Variants in ATP8A1 observed in about 807,000 individuals in gnomAD.
ATP8A1 encodes the protein phospholipid-transporting ATPase IA.
Under a neutral mutation model 177.7 loss-of-function variants are expected in ATP8A1, and 90 were observed. The ratio of observed to expected loss-of-function variants is 0.51; its 90% CI spans 0.43 to 0.60. The LOEUF is 0.60. Among genes scored for constraint, ATP8A1 ranks in the 20% least tolerant of loss-of-function variants. The probability of loss-of-function intolerance (pLI) is 0.00; values close to 1 mark genes in which losing one functional copy is unlikely to be tolerated. For synonymous variants in ATP8A1, 493 were observed against 485.9 expected (o/e 1.01, Z -0.19); for missense variants, 1,072 against 1,392.8 (o/e 0.77, Z 3.67).
At chr4:42,520,404 T>C (rs1725992209) in intron 22 of ATP8A1, among the ~76,000 whole-genome samples, 1 of 152,054 alleles carries the variant, frequency 6.6e-6, no homozygotes, top group Non-Finnish European at 1.5e-5. Context: ...AGATTAAAAA[T>C]CAATAGCACT....
chr4:42,553,156 T>C (rs1462939473), intron 16 of ATP8A1, among the ~76,000 whole-genome samples: 3 of 152,246 alleles, frequency 2.0e-5, no homozygotes, highest in African/African-American at 7.2e-5. Flanking sequence ...TCTAAACATT[T>C]ATACAAGACA....
intron 22 of ATP8A1, among the ~76,000 whole-genome samples, chr4:42,514,403 G>A (rs183487289): frequency 2.0e-5 from 3 of 152,308 alleles, no homozygotes; most frequent in Admixed American, 6.5e-5. Context: ...CAGAAAGGAG[G>A]AGCATGTGAT....
chr4:42,594,408 G>T, intron 6 of ATP8A1: 2 of 1,077,126 alleles, frequency 1.9e-6, no homozygotes, highest in Non-Finnish European at 2.9e-6. Context: ...TTGAAAGATA[G>T]TTACAAATAT....
At chr4:42,482,117 C>T (rs377594434) in intron 25 of ATP8A1, among the ~76,000 whole-genome samples, 12 of 151,916 alleles carry the variant, frequency 7.9e-5, no homozygotes, top group South Asian at 2.1e-4. Context: ...ACCTGGGCAA[C>T]GTGGCAAAAG....
chr4:42,442,709 C>T (rs1301440807), intron 33 of ATP8A1, among the ~76,000 whole-genome samples: 1 of 152,152 alleles, frequency 6.6e-6, no homozygotes, highest in Non-Finnish European at 1.5e-5. Flanking sequence ...ATAAACCAGA[C>T]TGTCAAAAGT....
intron 27 of ATP8A1, among the ~76,000 whole-genome samples, chr4:42,460,012 C>T (rs1419779333): frequency 6.6e-6 from 1 of 152,066 alleles, no homozygotes; most frequent in Admixed American, 6.6e-5. Flanking sequence ...AGGATGGTCT[C>T]GATCTCCTGT....
chr4:42,475,231 A>G (rs1560366729), intron 25 of ATP8A1, among the ~76,000 whole-genome samples: 1 of 152,140 alleles, frequency 6.6e-6, no homozygotes, highest in Non-Finnish European at 1.5e-5. Flanking sequence ...AGTGGTGCCA[A>G]CATGGCTCAT....
intron 25 of ATP8A1, among the ~76,000 whole-genome samples, chr4:42,479,963 A>G (rs1012502278): frequency 2.0e-5 from 3 of 148,562 alleles, no homozygotes; most frequent in Non-Finnish European, 4.4e-5. Flanking sequence ...CGTGTTACCT[A>G]CCTCATTAGA....
Position 42,511,477 on chromosome 4 carries a change from G to A in ATP8A1, c.1948-4323C>T, listed in dbSNP as rs574793542. Among the ~76,000 whole-genome samples the A allele has an allele frequency of 2.0e-5, 3 of 152,178 alleles. No homozygotes were observed. In the South Asian group the frequency reaches 6.2e-4, roughly 32 times the overall value. On this transcript the variant is annotated intron_variant, in intron 22 of 36. Transcript: ENST00000381668. ...AATTTTACTTTCTAAATGTCACCAAGCTAAATGTTATAAAGGCTTGAGGTT... is the reference window on the plus strand; with the variant it reads ...AATTTTACTTTCTAAATGTCACCAAACTAAATGTTATAAAGGCTTGAGGTT...
chr4:42,435,675 T>C (rs142912589), intron 33 of ATP8A1, among the ~76,000 whole-genome samples: 1 of 152,290 alleles, frequency 6.6e-6, no homozygotes, highest in Non-Finnish European at 1.5e-5. Context: ...TCTGCTGCAG[T>C]CACGGGCCTT....
Position 42,503,466 on chromosome 4 carries a change from T to C in ATP8A1, c.2135A>G (p.Asn712Ser). Residue 712 changes from asparagine (N) to serine (S), a missense_variant, in exon 24 of 37, where the codon AAT (asparagine) becomes AGT (serine). Asn to Ser is a conservative substitution (Grantham distance 46). This residue lies in a region of ATP8A1 where 388 missense variants were observed against 471.7 expected (regional missense o/e 0.82). Transcript: ENST00000381668. Reference sequence around the variant, plus strand: ...TTTACTTACATCAAGAGAGCCTTCATTTATAACAATCATTCCCATGTTCTT... The same window carrying C: ...TTTACTTACATCAAGAGAGCCTTCACTTATAACAATCATTCCCATGTTCTT... The part of the protein sequence containing the change: ...LKKNMGMIVI[N>S]EGSLDGTRET... The C allele has an allele frequency of 1.2e-6, 2 of 1,605,712 alleles. No individual in the cohort carries two copies. Among genetic ancestry groups the C allele is most frequent in the South Asian group, 1.1e-5 (1 of 90,268 alleles).
chr4:42,441,373 T>A (rs1716623092), intron 33 of ATP8A1, among the ~76,000 whole-genome samples: 1 of 152,142 alleles, frequency 6.6e-6, no homozygotes, highest in African/African-American at 2.4e-5. Flanking sequence ...TATATTTGGC[T>A]ATATTCTTGA....
chr4:42,507,230 A>G (rs1724463456), intron 22 of ATP8A1, 76 bp from the exon 23 acceptor site: 1 of 1,424,666 alleles, frequency 7.0e-7, no homozygotes, highest in Non-Finnish European at 9.6e-7. Context: ...AAGTGTGTAT[A>G]TGTTTTAAAA....
At position 42,485,660 on chromosome 4, in the gene ATP8A1, C is replaced by A. The variant is rs1292724630; in HGVS notation, c.2160G>T (p.Arg720Ser). 1 of 1,609,092 alleles carries A rather than the reference C, an allele frequency of 6.2e-7. No homozygotes were observed. The highest frequency in any genetic ancestry group is 8.5e-7 in the Non-Finnish European group (1 of 1,178,286). ...VINEGSLDGT[R>S]ETLSRHCTTL... ...TAGTACAGTGACGACTGAGAGTTTC[C>A]CTTGTTCCCTGGAATATTAAACAAG... Residue 720 changes from arginine to serine, a missense_variant, in exon 25 of 37, where the codon AGG (arginine) becomes AGT (serine). Around this residue, in one of 5 missense-constraint regions of ATP8A1, gnomAD observed 388 missense variants for 471.7 expected, o/e 0.82. Transcript: ENST00000381668.
chr4:42,625,923 T>C, intron 2 of ATP8A1: 1 of 369,642 alleles, frequency 2.7e-6, no homozygotes, highest in Non-Finnish European at 4.9e-6. Flanking sequence ...AGATTTTTTT[T>C]TTTTTGCATA....
chr4:42,417,936 C>A (rs1405416484), intron 35 of ATP8A1, among the ~76,000 whole-genome samples: 3 of 152,132 alleles, frequency 2.0e-5, no homozygotes, highest in South Asian at 2.1e-4. Context: ...TGGACAGAAC[C>A]ATTACCACAG....
chr4:42,548,396 ATTTC>A (rs1477022031), intron 19 of ATP8A1, among the ~76,000 whole-genome samples: 1 of 152,112 alleles, frequency 6.6e-6, no homozygotes, highest in Admixed American at 6.5e-5. Flanking sequence ...TTTCAAAACG[ATTTC>A]TTTTTCTAAA....
At chr4:42,487,243 G>A (rs1341407258) in intron 24 of ATP8A1, among the ~76,000 whole-genome samples, 2 of 152,166 alleles carry the variant, frequency 1.3e-5, no homozygotes, top group Non-Finnish European at 2.9e-5. Context: ...AGCCTTTAGT[G>A]TCAAGACAGC....
intron 5 of ATP8A1, among the ~76,000 whole-genome samples, chr4:42,607,935 G>T (rs975389143): frequency 6.6e-6 from 1 of 152,154 alleles, no homozygotes; most frequent in Non-Finnish European, 1.5e-5. Context: ...ATGGTGCTTT[G>T]ACAGCTCATT....
Sources: gnomAD v4.1 joint callset for allele counts (sites outside exome capture counted in the v4.1 genomes callset) on GRCh38, gnomAD v4.1.1 for gene constraint, gnomAD v4.1.1 regional missense constraint, MANE v1.5 for transcripts, NCBI Gene and HGNC (gene_info 2026-07-23, HGNC 2026-07-21) for gene names.